Variants in LSAMP observed in about 807,000 individuals in gnomAD.
The protein encoded by LSAMP is limbic system-associated membrane protein.
LSAMP carries 7 observed loss-of-function variants against 38.6 expected under a neutral mutation model. The observed-to-expected ratio is 0.18, with a 90% CI of 0.10 to 0.34. The LOEUF (loss-of-function observed/expected upper bound fraction) is 0.34. LSAMP is among the 10% of genes least tolerant of loss of function. LSAMP has a pLI of 1.00. For synonymous variants in LSAMP, 154 were observed against 166.8 expected (o/e 0.92, Z 0.59); for missense variants, 313 against 420.0 (o/e 0.75, Z 2.23).
chr3:116,409,061 G>C (rs1191122118), intron 1 of LSAMP, among the ~76,000 whole-genome samples: 1 of 152,052 alleles, frequency 6.6e-6, no homozygotes, highest in Non-Finnish European at 1.5e-5. Context: ...CTAGTTGCCT[G>C]GGAGGGGTGT....
intron 1 of LSAMP, among the ~76,000 whole-genome samples, chr3:116,372,364 A>C (rs985649947): frequency 2.6e-5 from 4 of 152,032 alleles, no homozygotes; most frequent in African/African-American, 9.6e-5. Flanking sequence ...GGATGTTGAA[A>C]TTCAAATGAG....
At chr3:115,826,975 T>A (rs1576117000) in intron 6 of LSAMP, among the ~76,000 whole-genome samples, 1 of 143,104 alleles carries the variant, frequency 7.0e-6, no homozygotes, top group South Asian at 2.2e-4. Flanking sequence ...TTTTTTTTTT[T>A]TAAGCACTGC....
chr3:116,410,812 T>C (rs1559858678), intron 1 of LSAMP, among the ~76,000 whole-genome samples: 1 of 152,108 alleles, frequency 6.6e-6, no homozygotes, highest in Non-Finnish European at 1.5e-5. Context: ...CTGGTCTAAC[T>C]TGTACCTCCA....
intron 3 of LSAMP, among the ~76,000 whole-genome samples, chr3:115,894,481 T>G (rs1355574493): frequency 6.6e-6 from 1 of 152,024 alleles, no homozygotes; most frequent in Non-Finnish European, 1.5e-5. Flanking sequence ...CATTCTGAGC[T>G]CTCTACCTTT....
chr3:115,889,825 T>C (rs1199484627), intron 3 of LSAMP, among the ~76,000 whole-genome samples: 1 of 151,990 alleles, frequency 6.6e-6, no homozygotes, highest in African/African-American at 2.4e-5. Context: ...AAACGAATCC[T>C]GTCTGTGCTT....
chr3:115,805,109 A>T lies in LSAMP; in HGVS notation c.*5208T>A, dbSNP rs1429627194. On this transcript the variant is annotated 3_prime_UTR_variant, in exon 7 of 7. Coordinates refer to ENST00000490035, the MANE Select transcript of LSAMP (RefSeq NM_002338.5). ...CTTAGATGGTGAGAAAGGAGTAAAA[A>T]GAAGATAGCTGGGAGTGGATACAGC... 1 of 152,212 alleles carries T rather than the reference A, an allele frequency of 6.6e-6. No homozygotes were observed. The highest frequency in any genetic ancestry group is 1.5e-5 in the Non-Finnish European group (1 of 68,040). 9.4% of individuals were successfully genotyped at this position (152,212 alleles called of 1,614,324 possible).
chr3:116,053,549 T>C (rs1941434845), intron 2 of LSAMP, among the ~76,000 whole-genome samples: 2 of 152,074 alleles, frequency 1.3e-5, no homozygotes, highest in South Asian at 4.1e-4. Flanking sequence ...TGAATGAAAA[T>C]GTATAGAAGG....
chr3:115,972,871 T>A (rs953290022), intron 3 of LSAMP, among the ~76,000 whole-genome samples: 15 of 148,956 alleles, frequency 1.0e-4, no homozygotes, highest in African/African-American at 3.2e-4. Context: ...TATATATTAT[T>A]TTTATATATT....
chr3:116,347,365 T>C (rs2048077857), intron 1 of LSAMP, among the ~76,000 whole-genome samples: 1 of 152,164 alleles, frequency 6.6e-6, no homozygotes, highest in Admixed American at 6.6e-5. Flanking sequence ...AAAACAAATA[T>C]TGGCTCTCAC....
chr3:116,028,637 A>G (rs1165441478), intron 2 of LSAMP, among the ~76,000 whole-genome samples: 2 of 152,194 alleles, frequency 1.3e-5, no homozygotes, highest in African/African-American at 2.4e-5. Context: ...CTACAAAGCA[A>G]TAAGAGGTCT....
At chr3:116,083,347 T>C (rs1707912803) in intron 2 of LSAMP, among the ~76,000 whole-genome samples, 1 of 152,228 alleles carries the variant, frequency 6.6e-6, no homozygotes, top group Non-Finnish European at 1.5e-5. Context: ...GAGGTTTACA[T>C]AGATCATCTA....
At chr3:116,076,261 T>C (rs1447581859) in intron 2 of LSAMP, among the ~76,000 whole-genome samples, 1 of 152,052 alleles carries the variant, frequency 6.6e-6, no homozygotes, top group African/African-American at 2.4e-5. Flanking sequence ...ATAATAACTT[T>C]TTTTTTTTTA....
intron 1 of LSAMP, among the ~76,000 whole-genome samples, chr3:116,164,235 T>C (rs1709975670): frequency 6.6e-6 from 1 of 151,992 alleles, no homozygotes; most frequent in Non-Finnish European, 1.5e-5. Context: ...TTTCCACAGT[T>C]AGATTATTTA....
In LSAMP at chr3:116,046,601, G is replaced by A. The variant is rs9877852; in HGVS notation, c.389-26961C>T. Among the ~76,000 whole-genome samples the A allele has an allele frequency of 9.1e-3, 1,381 of 152,270 alleles. 26 individuals are homozygous for A. The highest frequency in any genetic ancestry group is 0.03 in the African/African-American group (1,242 of 41,540). ...CCTGGTTTTGGAGGCTGGAGCAGAC[G>A]GAGGAATGACAACAGATAGAATCTG... is the stretch of plus-strand genomic sequence containing the variant. On this transcript the variant is annotated intron_variant, in intron 2 of 6. Coordinates refer to ENST00000490035, the MANE Select transcript of LSAMP (RefSeq NM_002338.5).
chr3:116,129,761 A>G (rs903571362), intron 1 of LSAMP, among the ~76,000 whole-genome samples: 5 of 152,170 alleles, frequency 3.3e-5, no homozygotes, highest in South Asian at 2.1e-4. Context: ...AGCATATGCA[A>G]TGTTTCCATG....
At chr3:116,405,046 G>C (rs1559856471) in intron 1 of LSAMP, among the ~76,000 whole-genome samples, 1 of 152,140 alleles carries the variant, frequency 6.6e-6, no homozygotes, top group Non-Finnish European at 1.5e-5. Context: ...CAGAGGCTAA[G>C]AGTTTATTCA....
intron 1 of LSAMP, among the ~76,000 whole-genome samples, chr3:116,318,132 T>A (rs1377350697): frequency 5.0e-5 from 2 of 40,272 alleles, no homozygotes; most frequent in Non-Finnish European, 1.1e-4. Flanking sequence ...TGAGACTCCA[T>A]CTCAAAAAAA....
intron 6 of LSAMP, among the ~76,000 whole-genome samples, chr3:115,824,932 T>C (rs963679676): frequency 6.6e-6 from 1 of 152,204 alleles, no homozygotes; most frequent in Admixed American, 6.5e-5. Context: ...ACATTCTTTC[T>C]GGTCTTACCC....
intron 2 of LSAMP, among the ~76,000 whole-genome samples, chr3:116,061,768 A>G (rs971804834): frequency 6.6e-6 from 1 of 152,182 alleles, no homozygotes; most frequent in Non-Finnish European, 1.5e-5. Context: ...TGTTATCTTA[A>G]TTATTTATAT....
Sources: allele counts gnomAD v4.1 joint callset (sites outside exome capture counted in the v4.1 genomes callset), GRCh38; gene constraint gnomAD v4.1.1; transcripts MANE v1.5; gene names NCBI Gene and HGNC (gene_info 2026-07-23, HGNC 2026-07-21).